SPOP: variants seen among roughly 807,000 people sequenced by gnomAD.
The protein encoded by SPOP is speckle-type POZ protein.
A neutral mutation model predicts 45.6 loss-of-function variants in SPOP; 11 were observed. The observed-to-expected ratio is 0.24, with a 90% CI of 0.15 to 0.40. The LOEUF (loss-of-function observed/expected upper bound fraction) is 0.40, where lower values mean the gene tolerates loss of function less well. Among genes scored for constraint, SPOP ranks in the 10% least tolerant of loss-of-function variants. The pLI is 1.00. For missense variants in SPOP, 152 were observed against 465.6 expected (o/e 0.33, Z 6.20); for synonymous variants, 166 against 166.3 (o/e 1.00, Z 0.01).
chr17:49,657,024 A>G (rs546871723), intron 1 of SPOP, among the ~76,000 whole-genome samples: 66 of 152,186 alleles, frequency 4.3e-4, no homozygotes, highest in African/African-American at 1.6e-3. Context: ...TACTAAAAAA[A>G]AATACAAAAA....
intron 6 of SPOP, 40 bp from the exon 7 acceptor site, chr17:49,607,969 A>C (rs1425969067): frequency 1.3e-6 from 2 of 1,596,416 alleles, no homozygotes; most frequent in Admixed American, 1.7e-5. Flanking sequence ...AGGCTATCAC[A>C]GTGAAATCTC....
At chr17:49,618,623 G>A in intron 5 of SPOP, 1 of 457,912 alleles carries the variant, frequency 2.2e-6, no homozygotes, top group Non-Finnish European at 4.3e-6. Context: ...TCACACTTAA[G>A]GAGCCAGAAA....
intron 1 of SPOP, among the ~76,000 whole-genome samples, chr17:49,626,913 G>C (rs983337216): frequency 6.6e-6 from 1 of 151,798 alleles, no homozygotes; most frequent in Non-Finnish European, 1.5e-5. Context: ...GTGCAGTGGC[G>C]ATCTTGGCTC....
At position 49,658,646 on chromosome 17, in the gene SPOP, G is replaced by C. The variant is rs542489321; in HGVS notation, c.-67+19287C>G. 3.9e-5 allele frequency among the ~76,000 whole-genome samples: 6 copies of C among 152,286 alleles called. No individual in the cohort carries two copies. In the South Asian group the frequency reaches 8.3e-4, roughly 21 times the overall value. ...CTATGCAGAAGATGTTTCCATCGGC[G>C]GTGGCAGGACAGATAGCAATGAGTC... On this transcript the variant is annotated intron_variant, in intron 1 of 9. Transcript: ENST00000504102.
At chr17:49,632,394 G>A (rs1016569225) in intron 1 of SPOP, among the ~76,000 whole-genome samples, 1 of 152,064 alleles carries the variant, frequency 6.6e-6, no homozygotes, top group Non-Finnish European at 1.5e-5. Flanking sequence ...AGTGAGAAAA[G>A]TACATTTCCC....
At chr17:49,653,423 A>T (rs928244612) in intron 1 of SPOP, among the ~76,000 whole-genome samples, 2 of 152,028 alleles carry the variant, frequency 1.3e-5, no homozygotes, top group Non-Finnish European at 2.9e-5. Flanking sequence ...TATATATATA[A>T]AATACAAATA....
In SPOP at chr17:49,661,831, T is replaced by C. The variant is rs1344129345; in HGVS notation, c.-67+16102A>G. Among the ~76,000 whole-genome samples the C allele has an allele frequency of 4.0e-5, 6 of 151,868 alleles. No individual in the cohort carries two copies. In the South Asian group the frequency reaches 6.2e-4, roughly 16 times the overall value. On this transcript the variant is annotated intron_variant, in intron 1 of 9. Coordinates refer to ENST00000504102, the MANE Select transcript of SPOP (RefSeq NM_001007228.2). Reference sequence around the variant, plus strand: ...GAGTTCAAGACCAGCCTGACCAACATTGAGAAACCCCGCCTCTACTAAAAG... The same window carrying C: ...GAGTTCAAGACCAGCCTGACCAACACTGAGAAACCCCGCCTCTACTAAAAG...
rs1160405402 is a variant in SPOP at position 49,600,513 on chromosome 17, C to T, written c.990G>A (p.Ser330=). ...QAVDFINYHA[S]DVLETSGWKS... ...TCCACCCAGAGGTCTCCAAGACATCCGAAGCATGACTAGGAGAAATGTGGA... is the reference window on the plus strand; with the variant it reads ...TCCACCCAGAGGTCTCCAAGACATCTGAAGCATGACTAGGAGAAATGTGGA... The change falls in exon 10 of 10, where the codon TCG becomes TCA. Residue 330 remains serine, a synonymous_variant. Transcript: ENST00000504102. The surrounding 1 kb of genome is among the most constrained non-coding windows in gnomAD (Gnocchi z 4.2). 4.3e-6 allele frequency: 7 copies of T among 1,613,806 alleles called. No homozygotes were observed. Among genetic ancestry groups the T allele is most frequent in the East Asian group, 2.2e-5 (1 of 44,892 alleles).
At chr17:49,644,032 AAC>A (rs1432163522) in intron 1 of SPOP, among the ~76,000 whole-genome samples, 2 of 152,012 alleles carry the variant, frequency 1.3e-5, no homozygotes, top group Non-Finnish European at 2.9e-5. Flanking sequence ...TTTATTAAAA[AAC>A]AGTTAATAAC....
chr17:49,629,764 T>C (rs2072414102), intron 1 of SPOP, among the ~76,000 whole-genome samples: 2 of 152,248 alleles, frequency 1.3e-5, no homozygotes, highest in South Asian at 4.1e-4. Flanking sequence ...TTCTCCATCA[T>C]CAGTCTAATC....
chr17:49,670,761 C>T (rs949287231), intron 1 of SPOP, among the ~76,000 whole-genome samples: 29 of 152,264 alleles, frequency 1.9e-4, no homozygotes, highest in Middle Eastern at 3.4e-3. Flanking sequence ...AGCACTGTTC[C>T]AGACCCTGAG....
intron 1 of SPOP, among the ~76,000 whole-genome samples, chr17:49,628,061 T>C (rs1211760933): frequency 6.6e-6 from 1 of 152,176 alleles, no homozygotes; most frequent in Non-Finnish European, 1.5e-5. Flanking sequence ...AGAAAAAAAT[T>C]TTAGAAAAGA....
At chr17:49,677,711 CGTTT>C (rs2073221359) in intron 1 of SPOP, among the ~76,000 whole-genome samples, 1 of 151,766 alleles carries the variant, frequency 6.6e-6, no homozygotes. Flanking sequence ...GCAGGGGGCG[CGTTT>C]GTGTCTTCTG....
intron 1 of SPOP, among the ~76,000 whole-genome samples, chr17:49,645,735 C>T (rs1045562646): frequency 2.0e-5 from 3 of 152,090 alleles, no homozygotes; most frequent in South Asian, 2.1e-4. Context: ...AATTTTAGTA[C>T]CTGAAACTCA....
chr17:49,631,187 G>C lies in SPOP; in HGVS notation c.-66-8311C>G, dbSNP rs151323824. 1.3e-4 allele frequency among the ~76,000 whole-genome samples: 20 copies of C among 152,216 alleles called. No homozygotes were observed. In the East Asian group the frequency reaches 3.7e-3, roughly 28 times the overall value. Reference sequence around the variant, plus strand: ...AATATAAAAGGTTTTTCACTGTGGGGACTATTTATAAAACACGTGAAAATG... The same window carrying C: ...AATATAAAAGGTTTTTCACTGTGGGCACTATTTATAAAACACGTGAAAATG... On this transcript the variant is annotated intron_variant, in intron 1 of 9. Coordinates refer to ENST00000504102, the MANE Select transcript of SPOP (RefSeq NM_001007228.2).
At chr17:49,665,494 A>G (rs2073042585) in intron 1 of SPOP, among the ~76,000 whole-genome samples, 1 of 151,976 alleles carries the variant, frequency 6.6e-6, no homozygotes, top group African/African-American at 2.4e-5. Context: ...AGGCGCCTGT[A>G]GTCCCAGCTA....
chr17:49,638,620 A>G (rs2072588673), intron 1 of SPOP, among the ~76,000 whole-genome samples: 1 of 152,092 alleles, frequency 6.6e-6, no homozygotes, highest in South Asian at 2.1e-4. Context: ...TGAAAATGTA[A>G]GCACCAACTT....
At chr17:49,613,230 A>T (rs547053156) in intron 5 of SPOP, among the ~76,000 whole-genome samples, 1 of 152,028 alleles carries the variant, frequency 6.6e-6, no homozygotes, top group South Asian at 2.1e-4. Context: ...TAACACTGAA[A>T]GTAGAAGTTG....
At chr17:49,674,379 C>A (rs1015374652) in intron 1 of SPOP, among the ~76,000 whole-genome samples, 1 of 152,108 alleles carries the variant, frequency 6.6e-6, no homozygotes, top group African/African-American at 2.4e-5. Context: ...GCTTCAATCT[C>A]GTTACTCACT....
Sources: gnomAD v4.1 joint callset for allele counts (sites outside exome capture counted in the v4.1 genomes callset) on GRCh38, gnomAD v4.1.1 for gene constraint, Gnocchi (gnomAD v3.1) non-coding constraint, MANE v1.5 for transcripts, NCBI Gene and HGNC (gene_info 2026-07-23, HGNC 2026-07-21) for gene names.